Variants in STAU2 observed in about 807,000 individuals in gnomAD.
STAU2 encodes the protein double-stranded RNA-binding protein Staufen homolog 2.
STAU2 carries 20 observed loss-of-function variants against 65.9 expected under a neutral mutation model. The ratio of observed to expected loss-of-function variants is 0.30; its 90% CI spans 0.21 to 0.44. The LOEUF is 0.44. STAU2 is among the 20% of genes least tolerant of loss of function. The pLI, the probability that STAU2 is intolerant of heterozygous loss-of-function variation, is 1.00. For missense variants in STAU2, 558 were observed against 683.9 expected, an observed-to-expected ratio of 0.82 and a Z score of 2.05; for synonymous variants, 232 against 233.9, an observed-to-expected ratio of 0.99 and a Z score of 0.07.
At chr8:73,566,527 C>A (rs762592917) in intron 12 of STAU2, among the ~76,000 whole-genome samples, 5 of 152,126 alleles carry the variant, frequency 3.3e-5, no homozygotes, top group South Asian at 2.1e-4. Flanking sequence ...AAAATGCGTA[C>A]TTAATTTTAA....
At chr8:73,547,378 T>G (rs1225917950) in intron 13 of STAU2, among the ~76,000 whole-genome samples, 1 of 152,114 alleles carries the variant, frequency 6.6e-6, no homozygotes, top group Non-Finnish European at 1.5e-5. Flanking sequence ...AAAATTTCAG[T>G]AAAATGAGCT....
At chr8:73,683,648 C>T (rs1010241664) in intron 5 of STAU2, among the ~76,000 whole-genome samples, 1 of 151,996 alleles carries the variant, frequency 6.6e-6, no homozygotes, top group Admixed American at 6.6e-5. Context: ...GCATCCAAAT[C>T]GATAAAGAGG....
intron 4 of STAU2, among the ~76,000 whole-genome samples, chr8:73,695,852 A>G (rs1230827341): frequency 6.6e-6 from 1 of 152,182 alleles, no homozygotes. Flanking sequence ...TAGCCACAAT[A>G]GAAGAAAACA....
At chr8:73,459,483 G>T (rs577086397) in intron 13 of STAU2, among the ~76,000 whole-genome samples, 1 of 152,178 alleles carries the variant, frequency 6.6e-6, no homozygotes, top group East Asian at 1.9e-4. Context: ...TTTTTAAAAG[G>T]GGAACTTTAA....
At chr8:73,512,379 G>T (rs1585906222) in intron 13 of STAU2, among the ~76,000 whole-genome samples, 1 of 152,128 alleles carries the variant, frequency 6.6e-6, no homozygotes, top group East Asian at 1.9e-4. Context: ...TCTAATCCAT[G>T]AACATTGAAT....
intron 13 of STAU2, among the ~76,000 whole-genome samples, chr8:73,520,934 T>C (rs942303448): frequency 3.9e-5 from 6 of 152,152 alleles, no homozygotes; most frequent in South Asian, 2.1e-4. Context: ...TTCTGTTACT[T>C]GTAGCCAAAA....
chr8:73,733,885 A>G lies in STAU2; in HGVS notation c.-18+4399T>C, dbSNP rs529844421. Among the ~76,000 whole-genome samples, 46 of 152,270 alleles carry G rather than the reference A, an allele frequency of 3.0e-4. No individual in the cohort carries two copies. In the South Asian group the frequency reaches 9.1e-3, roughly 30 times the overall value. On this transcript the variant is annotated intron_variant, in intron 3 of 14. Transcript: ENST00000524300. ...CCAAATATCTTTAAAATCCACATAC[A>G]TCTTTGACTAGTATTTCCATTTCTA...
At chr8:73,509,378 A>G (rs973759103) in intron 13 of STAU2, among the ~76,000 whole-genome samples, 5 of 152,220 alleles carry the variant, frequency 3.3e-5, no homozygotes, top group African/African-American at 1.2e-4. Context: ...CTCTTTATAT[A>G]AACTACATAC....
intron 10 of STAU2, 116 bp from the exon 11 acceptor site, chr8:73,595,413 C>T: frequency 1.0e-6 from 1 of 989,270 alleles, no homozygotes; most frequent in Non-Finnish European, 1.4e-6. Context: ...AAGTTCAGTC[C>T]AAAGTAAAAA....
intron 5 of STAU2, among the ~76,000 whole-genome samples, chr8:73,677,498 T>C (rs771492089): frequency 8.5e-5 from 13 of 152,312 alleles, no homozygotes; most frequent in Admixed American, 6.5e-4. Context: ...AATAGAATAC[T>C]ACATAGCAAT....
intron 9 of STAU2, among the ~76,000 whole-genome samples, chr8:73,607,558 C>T (rs531331916): frequency 6.6e-6 from 1 of 151,660 alleles, no homozygotes; most frequent in African/African-American, 2.4e-5. Context: ...AGAGAAACCC[C>T]ATCTCTACTA....
intron 13 of STAU2, among the ~76,000 whole-genome samples, chr8:73,473,215 T>G (rs1374389170): frequency 1.3e-5 from 2 of 152,106 alleles, no homozygotes; most frequent in Non-Finnish European, 2.9e-5. Context: ...AGATGGGCAG[T>G]GGTGACTTTC....
chr8:73,661,459 G>A (rs1816828063), intron 6 of STAU2, among the ~76,000 whole-genome samples: 1 of 152,160 alleles, frequency 6.6e-6, no homozygotes, highest in African/African-American at 2.4e-5. Context: ...TGTTATTGAG[G>A]TAAAATTTAC....
At chr8:73,536,790 A>G (rs1806214192) in intron 13 of STAU2, among the ~76,000 whole-genome samples, 1 of 152,218 alleles carries the variant, frequency 6.6e-6, no homozygotes, top group Non-Finnish European at 1.5e-5. Context: ...AACTTCCAGT[A>G]ACAAGGCAGC....
Position 73,445,847 on chromosome 8 carries a change from G to A in STAU2, c.1531-23145C>T, listed in dbSNP as rs191586482. 2.6e-3 allele frequency among the ~76,000 whole-genome samples: 403 copies of A among 152,312 alleles called. 12 individuals carry two copies. The highest frequency in any genetic ancestry group is 0.024 in the Admixed American group (369 of 15,300). On this transcript the variant is annotated intron_variant, in intron 13 of 14. Transcript: ENST00000524300. ...ACCACCATACGCTAGAGAAGATTCG[G>A]GGGAACTAGATCCTCAGCCACTTCT...
intron 13 of STAU2, among the ~76,000 whole-genome samples, chr8:73,443,625 G>A (rs1277317132): frequency 6.6e-6 from 1 of 152,178 alleles, no homozygotes; most frequent in African/African-American, 2.4e-5. Flanking sequence ...GCCAAGACAG[G>A]AGGACTGCTT....
chr8:73,699,420 A>C lies in STAU2; in HGVS notation c.114+9612T>G, dbSNP rs564906457. On this transcript the variant is annotated intron_variant, in intron 4 of 14. Coordinates refer to ENST00000524300, the MANE Select transcript of STAU2 (RefSeq NM_001164380.2). ...AGAAGATAAACAAAATTGACAAACG[A>C]TTTAGCCAGACTAAGAAAAAAAGAA... 7.9e-5 allele frequency among the ~76,000 whole-genome samples: 12 copies of C among 152,144 alleles called. No individual in the cohort carries two copies. The South Asian group carries it at 2.3e-3, about 29-fold the overall frequency.
intron 13 of STAU2, among the ~76,000 whole-genome samples, chr8:73,535,970 AT>A (rs574013161): frequency 2.5e-4 from 38 of 152,032 alleles, no homozygotes; most frequent in Non-Finnish European, 4.9e-4. Context: ...ATGGCATTTA[AT>A]TTTTTTAAAA....
rs138777523 is a variant in STAU2, at chr8:73,585,693, A to G, written c.1162-2863T>C. Among the ~76,000 whole-genome samples, 16 of 152,324 alleles carry G rather than the reference A, an allele frequency of 1.1e-4. No individual in the cohort carries two copies. In the East Asian group the frequency reaches 3.1e-3, roughly 29 times the overall value. On this transcript the variant is annotated intron_variant, in intron 11 of 14. Coordinates refer to ENST00000524300, the MANE Select transcript of STAU2 (RefSeq NM_001164380.2). Reference sequence around the variant, plus strand: ...AGCACAAAGTACAGTTCATCTCCCAATCCTTACTTTCTGTATTTCTTCTAC... The same window carrying G: ...AGCACAAAGTACAGTTCATCTCCCAGTCCTTACTTTCTGTATTTCTTCTAC...
Sources: gnomAD v4.1 joint callset for allele counts (sites outside exome capture counted in the v4.1 genomes callset) on GRCh38, gnomAD v4.1.1 for gene constraint, MANE v1.5 for transcripts, NCBI Gene and HGNC (gene_info 2026-07-23, HGNC 2026-07-21) for gene names.